CCDC25: variants seen among roughly 807,000 people sequenced by gnomAD.
CCDC25 encodes coiled-coil domain-containing protein 25.
A neutral mutation model predicts 35.3 loss-of-function variants in CCDC25; 16 were observed. The ratio of observed to expected loss-of-function variants is 0.45; its 90% CI spans 0.31 to 0.69. The LOEUF is 0.69. Among genes scored for constraint, CCDC25 ranks in the 30% least tolerant of loss-of-function variants. The pLI, the probability that CCDC25 is intolerant of heterozygous loss-of-function variation, is 0.06. For missense variants in CCDC25, 179 were observed against 250.7 expected (o/e 0.71, Z 1.93); for synonymous variants, 79 against 80.3 (o/e 0.98, Z 0.09).
intron 7 of CCDC25, among the ~76,000 whole-genome samples, chr8:27,743,789 G>T (rs1442112042): frequency 6.6e-6 from 1 of 152,206 alleles, no homozygotes; most frequent in Non-Finnish European, 1.5e-5. Flanking sequence ...AGCTACTAAG[G>T]AGGCTGAGGT....
chr8:27,764,236 C>T (rs17387099), intron 2 of CCDC25: 12,518 of 160,258 alleles, frequency 0.078, 681 homozygotes, highest in South Asian at 0.14. Flanking sequence ...CCAAATGACT[C>T]TAAGAGTTCC....
intron 5 of CCDC25, 26 bp from the exon 6 acceptor site, chr8:27,748,624 T>C (rs1182703449): frequency 2.0e-6 from 3 of 1,537,292 alleles, no homozygotes; most frequent in Non-Finnish European, 1.8e-6. Context: ...GTCTTCAACA[T>C]GCAGGCAGGA....
intron 7 of CCDC25, 111 bp downstream of exon 7, chr8:27,747,966 T>C: frequency 9.6e-7 from 1 of 1,040,072 alleles, no homozygotes; most frequent in Non-Finnish European, 1.4e-6. Context: ...AAGCTGAGCT[T>C]GTTACATGTC....
chr8:27,766,983 G>A (rs1221087637), intron 1 of CCDC25, among the ~76,000 whole-genome samples: 1 of 152,066 alleles, frequency 6.6e-6, no homozygotes, highest in Non-Finnish European at 1.5e-5. Context: ...CATATGTATG[G>A]AAGCATAAAC....
rs1308478432 is a variant in CCDC25 at position 27,733,901 on chromosome 8, G to A, written c.*2315C>T. The stretch of plus-strand genomic sequence containing the variant: ...GAAGGGCTTTGGTCTTAAACTAGAA[G>A]CTGCAGCTGAAACTCTCCCCGTCTA... On this transcript the variant is annotated 3_prime_UTR_variant, in exon 9 of 9. Coordinates refer to ENST00000356537, the MANE Select transcript of CCDC25 (RefSeq NM_018246.3). The A allele has an allele frequency of 6.6e-6, 1 of 152,164 alleles. No homozygotes were observed. The highest frequency in any genetic ancestry group is 1.5e-5 in the Non-Finnish European group (1 of 68,042). 9.4% of individuals were successfully genotyped at this position (152,164 alleles called of 1,614,324 possible).
intron 7 of CCDC25, 190 bp downstream of exon 7, chr8:27,747,887 A>T: frequency 1.7e-6 from 1 of 596,786 alleles, no homozygotes; most frequent in Non-Finnish European, 2.9e-6. Flanking sequence ...TGCCATAAAC[A>T]AGCAATTCTT....
intron 4 of CCDC25, among the ~76,000 whole-genome samples, chr8:27,755,800 A>G (rs1461647339): frequency 6.6e-6 from 1 of 152,226 alleles, no homozygotes; most frequent in Admixed American, 6.5e-5. Context: ...ATGCAAACTG[A>G]GCAATAGTCT....
At chr8:27,754,312 T>C (rs1035625340) in intron 4 of CCDC25, among the ~76,000 whole-genome samples, 8 of 152,150 alleles carry the variant, frequency 5.3e-5, no homozygotes, top group Non-Finnish European at 8.8e-5. Flanking sequence ...ATGAAAATTA[T>C]ATAGCAACAT....
chr8:27,765,734 A>T (rs779505880), intron 1 of CCDC25, among the ~76,000 whole-genome samples: 2 of 152,196 alleles, frequency 1.3e-5, no homozygotes, highest in African/African-American at 2.4e-5. Flanking sequence ...CCCATATTCC[A>T]GGTGTGCTGC....
At chr8:27,753,669 GAC>G (rs1343004561) in intron 4 of CCDC25, among the ~76,000 whole-genome samples, 89 of 152,308 alleles carry the variant, frequency 5.8e-4, no homozygotes, top group Non-Finnish European at 1.2e-4. Flanking sequence ...TCCATCTTCT[GAC>G]ACAGCAGATC....
At position 27,733,883 on chromosome 8, in the gene CCDC25, T is replaced by A. The variant is rs1369547316; in HGVS notation, c.*2333A>T. On this transcript the variant is annotated 3_prime_UTR_variant, in exon 9 of 9. Transcript: ENST00000356537. ...CAGATGCAGCAGCGGGAGGAAGGGC[T>A]TTGGTCTTAAACTAGAAGCTGCAGC... The A allele has an allele frequency of 3.3e-5, 5 of 152,190 alleles. No homozygotes were observed. The highest frequency in any genetic ancestry group is 3.3e-4 in the Admixed American group (5 of 15,280). 9.4% of individuals were successfully genotyped at this position (152,190 alleles called of 1,614,324 possible).
rs1322887714 is a variant in CCDC25 at position 27,748,331 on chromosome 8, C to T, written c.349-52G>A. On this transcript the variant is annotated intron_variant, in intron 6 of 8. Coordinates refer to ENST00000356537, the MANE Select transcript of CCDC25 (RefSeq NM_018246.3). ...TTGCATCTTTTTGTTTTTTTTCTCC[C>T]AGAAGAGGGATGAGGCTTTCCAGGG... 6 of 1,542,038 alleles carry T rather than the reference C, an allele frequency of 3.9e-6. 1 individual carries two copies. The African/African-American group carries it at 8.2e-5, about 21-fold the overall frequency.
intron 3 of CCDC25, among the ~76,000 whole-genome samples, chr8:27,758,372 A>G (rs1804090939): frequency 6.6e-6 from 1 of 152,252 alleles, no homozygotes; most frequent in Admixed American, 6.5e-5. Context: ...CTATGCATAC[A>G]GAAAAATATT....
In CCDC25 at chr8:27,737,687, G is replaced by A. The variant is rs568517916; in HGVS notation, c.598-1442C>T. On this transcript the variant is annotated intron_variant, in intron 8 of 8. Coordinates refer to ENST00000356537, the MANE Select transcript of CCDC25 (RefSeq NM_018246.3). The surrounding 1 kb of genome is among the most constrained non-coding windows in gnomAD (Gnocchi z 4.6). Reference sequence around the variant, plus strand: ...CAGCAAGGAGATTTCTTAAAGAACTGAAGTAGAACTACCATTTGATCCAGC... The same window carrying A: ...CAGCAAGGAGATTTCTTAAAGAACTAAAGTAGAACTACCATTTGATCCAGC... 1.3e-5 allele frequency among the ~76,000 whole-genome samples: 2 copies of A among 152,218 alleles called. No individual in the cohort carries two copies. The highest frequency in any genetic ancestry group is 1.9e-4 in the East Asian group (1 of 5,178).
chr8:27,748,662 C>A, intron 5 of CCDC25, 64 bp from the exon 6 acceptor site: 3 of 1,180,530 alleles, frequency 2.5e-6, no homozygotes, highest in South Asian at 1.2e-5. Context: ...TTCCCTTACC[C>A]ACTGGCAAAC....
chr8:27,750,981 ATCT>A (rs1730155129), intron 5 of CCDC25, among the ~76,000 whole-genome samples: 1 of 152,210 alleles, frequency 6.6e-6, no homozygotes, highest in Non-Finnish European at 1.5e-5. Flanking sequence ...TCGGCACATA[ATCT>A]TCTACTGACT....
intron 7 of CCDC25, among the ~76,000 whole-genome samples, chr8:27,743,222 T>G (rs1275864356): frequency 6.6e-6 from 1 of 152,224 alleles, no homozygotes; most frequent in Non-Finnish European, 1.5e-5. Flanking sequence ...CCACCCCAAG[T>G]CACCACCATA....
At chr8:27,745,011 A>ATTTTTAT (rs1803558537) in intron 7 of CCDC25, among the ~76,000 whole-genome samples, 1 of 151,780 alleles carries the variant, frequency 6.6e-6, no homozygotes, top group South Asian at 2.1e-4. Flanking sequence ...ACAGCTTTTT[A>ATTTTTAT]TTTTTATTTT....
At chr8:27,758,841 T>C (rs951909473) in intron 3 of CCDC25, among the ~76,000 whole-genome samples, 10 of 152,168 alleles carry the variant, frequency 6.6e-5, no homozygotes, top group African/African-American at 2.4e-4. Flanking sequence ...TATTCATACA[T>C]AAGTAGAGAA....
Sources: gnomAD v4.1 joint callset for allele counts (sites outside exome capture counted in the v4.1 genomes callset) on GRCh38, gnomAD v4.1.1 for gene constraint, Gnocchi (gnomAD v3.1) non-coding constraint, MANE v1.5 for transcripts, NCBI Gene and HGNC (gene_info 2026-07-23, HGNC 2026-07-21) for gene names.